Variants in CADPS2 observed in about 807,000 individuals in gnomAD.
CADPS2 encodes the protein calcium-dependent secretion activator 2.
In CADPS2, 93 loss-of-function variants were observed where a neutral mutation model predicts 172.5. The observed-to-expected ratio is 0.54, with a 90% CI of 0.46 to 0.64. The LOEUF is 0.64. Ranked by LOEUF, CADPS2 falls within the 30% of genes least tolerant of loss-of-function variation. The probability of loss-of-function intolerance (pLI) is 0.00; values close to 1 mark genes in which losing one functional copy is unlikely to be tolerated. For missense variants in CADPS2, 1,420 were observed against 1,565.9 expected (o/e 0.91, Z 1.57); for synonymous variants, 546 against 555.2 (o/e 0.98, Z 0.23).
intron 20 of CADPS2, among the ~76,000 whole-genome samples, chr7:122,401,693 G>T (rs144386637): frequency 6.6e-6 from 1 of 152,276 alleles, no homozygotes; most frequent in East Asian, 1.9e-4. Context: ...CATTTAAACT[G>T]ATTGCCCATT....
In CADPS2 at chr7:122,407,677, T is replaced by C. The variant is rs1266118590; in HGVS notation, c.2609A>G (p.Asp870Gly). ...EGREAFAWWPDLLAEHAEKFW... is the reference protein window; with the variant it reads ...EGREAFAWWPGLLAEHAEKFW... ...TTTCTCTGCATGTTCAGCCAATAAA[T>C]CAGGCCACCAGGCAAATGCCTACAA... Residue 870 changes from aspartate to glycine, a missense_variant, in exon 20 of 30, where the codon GAT becomes GGT. Transcript: ENST00000449022. The C allele has an allele frequency of 4.6e-5, 74 of 1,610,206 alleles. No homozygotes were observed. The highest frequency in any genetic ancestry group is 5.9e-5 in the Non-Finnish European group (70 of 1,178,278).
chr7:122,704,735 G>C (rs569452236), intron 2 of CADPS2, among the ~76,000 whole-genome samples: 1 of 152,066 alleles, frequency 6.6e-6, no homozygotes, highest in African/African-American at 2.4e-5. Flanking sequence ...CAACAAAATA[G>C]ACCTATAAGA....
At chr7:122,440,584 C>T (rs1460756914) in intron 16 of CADPS2, among the ~76,000 whole-genome samples, 1 of 152,120 alleles carries the variant, frequency 6.6e-6, no homozygotes, top group Non-Finnish European at 1.5e-5. Flanking sequence ...CAGTTGTAGT[C>T]CTCATCTCCC....
chr7:122,885,991 C>A lies in CADPS2; in HGVS notation c.339+8G>T. ...TGGTGGTAGGAGGCGCCCGGTCCCG[C>A]AACTCACCTTCTGCTGCCTCCGGGC... On this transcript the variant is annotated splice_region_variant and intron_variant, in intron 1 of 29. Transcript: ENST00000449022. The A allele has an allele frequency of 6.2e-7, 1 of 1,600,204 alleles. No individual in the cohort carries two copies. Among genetic ancestry groups the A allele is most frequent in the Non-Finnish European group, 8.5e-7 (1 of 1,173,896 alleles).
At chr7:122,340,883 T>G (rs1425027893) in intron 28 of CADPS2, among the ~76,000 whole-genome samples, 1 of 148,932 alleles carries the variant, frequency 6.7e-6, no homozygotes, top group Non-Finnish European at 1.5e-5. Flanking sequence ...AGGACATTGG[T>G]GTAAGAGAGA....
intron 6 of CADPS2, among the ~76,000 whole-genome samples, chr7:122,595,602 T>C (rs1280163463): frequency 6.6e-6 from 1 of 152,112 alleles, no homozygotes; most frequent in African/African-American, 2.4e-5. Context: ...TGGAGGACTT[T>C]ACAGGGGGAA....
chr7:122,621,508 G>A lies in CADPS2; in HGVS notation c.1077C>T (p.Ser359=), dbSNP rs765072917. 4.5e-5 allele frequency: 73 copies of A among 1,613,250 alleles called. No individual in the cohort carries two copies. In the South Asian group the frequency reaches 4.7e-4, roughly 10 times the overall value. Residue 359 remains serine (S), a synonymous_variant, in exon 5 of 30, where the codon TCC becomes TCT. Transcript: ENST00000449022. ...GDENEIQLSK[S]DVVLSFTLEI... Reference sequence around the variant, plus strand: ...CTAAGGTGAATGACAGTACCACGTCGGACTTTGACAGCTGAATCTCATTCT... The same window carrying A: ...CTAAGGTGAATGACAGTACCACGTCAGACTTTGACAGCTGAATCTCATTCT...
At chr7:122,644,440 G>C (rs1342133729) in intron 3 of CADPS2, among the ~76,000 whole-genome samples, 1 of 152,106 alleles carries the variant, frequency 6.6e-6, no homozygotes, top group African/African-American at 2.4e-5. Context: ...TGATGACACA[G>C]CCTTCATAGT....
In CADPS2 at chr7:122,731,385, A is replaced by T. The variant is rs1001958112; in HGVS notation, c.453+5570T>A. Reference sequence around the variant, plus strand: ...CAAGAGAAAGACCATTTACTTTTCCACATGTCCACTGTAAATCACATTGTC... The same window carrying T: ...CAAGAGAAAGACCATTTACTTTTCCTCATGTCCACTGTAAATCACATTGTC... On this transcript the variant is annotated intron_variant, in intron 2 of 29. Coordinates refer to ENST00000449022, the MANE Select transcript of CADPS2 (RefSeq NM_017954.11). 2.6e-5 allele frequency among the ~76,000 whole-genome samples: 4 copies of T among 151,786 alleles called. No homozygotes were observed. In the East Asian group the frequency reaches 7.7e-4, roughly 29 times the overall value.
chr7:122,386,994 C>G, intron 24 of CADPS2, 32 bp downstream of exon 24: 1 of 1,547,610 alleles, frequency 6.5e-7, no homozygotes, highest in East Asian at 2.4e-5. Flanking sequence ...GCACCCTGTG[C>G]TGCCTTTCCC....
intron 1 of CADPS2, among the ~76,000 whole-genome samples, chr7:122,841,172 A>C (rs919843764): frequency 6.6e-6 from 1 of 152,136 alleles, no homozygotes; most frequent in African/African-American, 2.4e-5. Context: ...CAAACTATCA[A>C]ATTTGTTGAC....
At chr7:122,415,816 A>G (rs1001730396) in intron 18 of CADPS2, among the ~76,000 whole-genome samples, 5 of 152,184 alleles carry the variant, frequency 3.3e-5, no homozygotes, top group African/African-American at 1.2e-4. Context: ...ACATGAAATT[A>G]TACACACACA....
intron 1 of CADPS2, among the ~76,000 whole-genome samples, chr7:122,757,466 AT>A (rs2093212080): frequency 6.6e-6 from 1 of 152,088 alleles, no homozygotes; most frequent in Non-Finnish European, 1.5e-5. Context: ...TTTTTAAAGC[AT>A]TCTGTACTAC....
At chr7:122,541,317 C>T (rs1208482075) in intron 8 of CADPS2, among the ~76,000 whole-genome samples, 1 of 150,064 alleles carries the variant, frequency 6.7e-6, no homozygotes, top group East Asian at 2.0e-4. Context: ...CTGCCTCAGC[C>T]TCCCGAGTAG....
rs551121404 is a variant in CADPS2, at chr7:122,820,556, GTTTTTT to G, written c.339+65437_339+65442del. On this transcript the variant is annotated intron_variant, in intron 1 of 29. Coordinates refer to ENST00000449022, the MANE Select transcript of CADPS2 (RefSeq NM_017954.11). ...TTGACCTTACTGTTTTTTGTTTTTT[GTTTTTT>G]TTTTTTTTTTTTTTTGAGACGGAGT... is the stretch of plus-strand genomic sequence containing the variant. Among the ~76,000 whole-genome samples the G allele has an allele frequency of 9.2e-5, 8 of 86,536 alleles. 1 individual carries two copies. The highest frequency in any genetic ancestry group is 2.4e-4 in the Admixed American group (2 of 8,292). The allele number at this position is 86,536 out of a possible 152,430, so 56.8% of individuals were successfully genotyped here.
At chr7:122,729,959 T>C (rs1249917974) in intron 2 of CADPS2, among the ~76,000 whole-genome samples, 1 of 151,656 alleles carries the variant, frequency 6.6e-6, no homozygotes, top group Non-Finnish European at 1.5e-5. Flanking sequence ...GGAAATAAAA[T>C]GAAGTGTAGT....
intron 2 of CADPS2, among the ~76,000 whole-genome samples, chr7:122,732,735 ATAT>A (rs1372677331): frequency 6.9e-6 from 1 of 144,040 alleles, no homozygotes; most frequent in African/African-American, 2.5e-5. Flanking sequence ...ATATCATTAT[ATAT>A]TATATATAAT....
chr7:122,807,538 C>G (rs1019443907), intron 1 of CADPS2, among the ~76,000 whole-genome samples: 4 of 152,168 alleles, frequency 2.6e-5, no homozygotes, highest in Non-Finnish European at 5.9e-5. Flanking sequence ...GGAGGCGGCT[C>G]CCCTTCCAAG....
Position 122,506,493 on chromosome 7 carries a change from T to G in CADPS2, c.1542+6756A>C, listed in dbSNP as rs2130648276. On this transcript the variant is annotated intron_variant, in intron 9 of 29. Transcript: ENST00000449022. ...ATCTGGTATACGAAACCTCCCATTT[T>G]GTCCTCAATTGCCAACCTGTGCAAT... 2.6e-5 allele frequency among the ~76,000 whole-genome samples: 4 copies of G among 152,298 alleles called. No individual in the cohort carries two copies. The Middle Eastern group carries it at 0.014, about 518-fold the overall frequency.
Sources: gnomAD v4.1 joint callset for allele counts (sites outside exome capture counted in the v4.1 genomes callset) on GRCh38, gnomAD v4.1.1 for gene constraint, MANE v1.5 for transcripts, NCBI Gene and HGNC (gene_info 2026-07-23, HGNC 2026-07-21) for gene names.